BPIFB2: variants seen among roughly 807,000 people sequenced by gnomAD.
BPIFB2 encodes the protein BPI fold containing family B member 2.
Under a neutral mutation model 50.1 loss-of-function variants are expected in BPIFB2, and 39 were observed. The observed-to-expected ratio is 0.78, with a 90% CI of 0.60 to 1.02. BPIFB2 has a LOEUF of 1.02. Ranked by LOEUF, BPIFB2 falls within the 50% of genes least tolerant of loss-of-function variation. BPIFB2 has a pLI of 0.00. For missense variants in BPIFB2, 574 were observed against 585.8 expected, an observed-to-expected ratio of 0.98 and a Z score of 0.21; for synonymous variants, 280 against 256.3, an observed-to-expected ratio of 1.09 and a Z score of -0.88.
rs369008956 is a variant in BPIFB2, at chr20:33,018,279, G to A, written c.598G>A (p.Glu200Lys). 3 of 1,613,812 alleles carry A rather than the reference G, an allele frequency of 1.9e-6. No homozygotes were observed. In the African/African-American group the frequency reaches 4.0e-5, roughly 22 times the overall value. Residue 200 changes from glutamate to lysine, a missense_variant, in exon 8 of 16, where the codon GAG becomes AAG. By Grantham distance (56) the Glu-to-Lys change is moderately conservative (BLOSUM62 1). Transcript: ENST00000170150. ...TLIGLNPVGP[E>K]SQIRYSMVSV... The stretch of plus-strand genomic sequence containing the variant: ...TGAAGGCCTCAACCCCGTGGGTCCT[G>A]AGTCCCAGATCCGCTATTCCATGGT...
At chr20:33,018,481 G>A (rs1003024067) in intron 8 of BPIFB2, 131 bp downstream of exon 8, 2 of 1,280,790 alleles carry the variant, frequency 1.6e-6, no homozygotes, top group Non-Finnish European at 2.2e-6. Context: ...CCAGCCGGGA[G>A]CATGCCACAC....
chr20:33,015,580 G>C (rs1244607076), intron 6 of BPIFB2, 84 bp downstream of exon 6: 3 of 1,256,252 alleles, frequency 2.4e-6, no homozygotes, highest in Non-Finnish European at 3.3e-6. Context: ...TTTCAGGCAG[G>C]GGGTACTTTG....
chr20:33,011,037 G>A lies in BPIFB2; in HGVS notation c.123G>A (p.Gly41=), dbSNP rs758557975. The A allele has an allele frequency of 6.2e-7, 1 of 1,614,020 alleles. No individual in the cohort carries two copies. Among genetic ancestry groups the A allele is most frequent in the Non-Finnish European group, 8.5e-7 (1 of 1,179,972 alleles). The change falls in exon 3 of 16, where the codon GGG becomes GGA. Residue 41 remains glycine (G), a synonymous_variant. Coordinates refer to ENST00000170150, the MANE Select transcript of BPIFB2 (RefSeq NM_025227.3). The part of the protein sequence containing the change: ...KAALSYVSEI[G]KAPLQRALQV... ...CTGGCCCCACAGTGTCTGAAATTGG[G>A]AAAGCCCCTCTCCAGCGGGCCCTGC...
In BPIFB2 at chr20:33,012,976, C is replaced by CG. The variant is rs1021901606; in HGVS notation, c.308+75dup. ...TGCTCCGAGGGATACAGTGAGGGGACGGGGGGTAGCAACTCCTCCAGGGCC... is the reference window on the plus strand; with the variant it reads ...TGCTCCGAGGGATACAGTGAGGGGACGGGGGGGTAGCAACTCCTCCAGGGCC... On this transcript the variant is annotated intron_variant, in intron 4 of 15. Transcript: ENST00000170150. The CG allele has an allele frequency of 7.4e-6, 10 of 1,342,440 alleles. No homozygotes were observed. In the South Asian group the frequency reaches 1.1e-4, roughly 15 times the overall value. The allele number at this position is 1,342,440 out of a possible 1,614,324, so 83.2% of individuals were successfully genotyped here.
intron 5 of BPIFB2, 112 bp downstream of exon 5, chr20:33,014,068 G>GC (rs1401060225): frequency 3.6e-6 from 5 of 1,378,102 alleles, no homozygotes; most frequent in Non-Finnish European, 4.9e-6. Context: ...GGCCTCAGGG[G>GC]CCCCCATTAT....
chr20:33,018,991 G>A, intron 9 of BPIFB2, 71 bp from the exon 10 acceptor site: 1 of 1,604,808 alleles, frequency 6.2e-7, no homozygotes, highest in African/African-American at 1.3e-5. Context: ...GATTGCTCAG[G>A]GGGAAAGTGG....
chr20:33,012,766 TGGGGGC>T, intron 3 of BPIFB2, 31 bp from the exon 4 acceptor site: 2 of 1,529,390 alleles, frequency 1.3e-6, no homozygotes, highest in Non-Finnish European at 1.8e-6. Flanking sequence ...CATGGTTTAA[TGGGGGC>T]CACTCTGTCA....
At position 33,023,514 on chromosome 20, in the gene BPIFB2, C is replaced by CATAA; in HGVS notation, c.*131_*132insATAA. 1 of 1,066,380 alleles carries CATAA rather than the reference C, an allele frequency of 9.4e-7. No individual in the cohort carries two copies. 66.1% of individuals were successfully genotyped at this position (1,066,380 alleles called of 1,614,324 possible). A position where few individuals can be genotyped will look rare whatever the true frequency, so the allele number is the denominator to read the frequency against. ...CAACAAGCTGGACTGCTTAGCTGGG[C>CATAA]TGTTTTATCTTCCCTGAGTGCCTGG... On this transcript the variant is annotated 3_prime_UTR_variant, in exon 16 of 16. Transcript: ENST00000170150.
In BPIFB2 at chr20:33,019,654, C is replaced by A; in HGVS notation, c.984C>A (p.Leu328=). ...VRLGATPVAM[L]HTNNATLRLQ... Reference sequence around the variant, plus strand: ...TGGGTGCCACACCTGTGGCCATGCTCCACACAAACAACGCCACCCTGCGGC... The same window carrying A: ...TGGGTGCCACACCTGTGGCCATGCTACACACAAACAACGCCACCCTGCGGC... Residue 328 remains leucine (L), a synonymous_variant, in exon 11 of 16, where the codon CTC becomes CTA. Coordinates refer to ENST00000170150, the MANE Select transcript of BPIFB2 (RefSeq NM_025227.3). 6.2e-7 allele frequency: 1 copy of A among 1,612,848 alleles called. No individual in the cohort carries two copies. Among genetic ancestry groups the A allele is most frequent in the African/African-American group, 1.3e-5 (1 of 75,052 alleles).
At chr20:33,012,250 C>G (rs1990298768) in intron 3 of BPIFB2, among the ~76,000 whole-genome samples, 1 of 152,196 alleles carries the variant, frequency 6.6e-6, no homozygotes, top group Non-Finnish European at 1.5e-5. Context: ...GTGCCCGGGG[C>G]TCTTGTTTGT....
At chr20:33,012,930 G>A (rs764829953) in intron 4 of BPIFB2, 23 bp downstream of exon 4, 2 of 1,578,966 alleles carry the variant, frequency 1.3e-6, no homozygotes, top group Non-Finnish European at 1.7e-6. Flanking sequence ...CCTTGTTAGG[G>A]GGTGAGAAGG....
chr20:33,009,352 G>C lies in BPIFB2; in HGVS notation c.109+669G>C, dbSNP rs1421436046. Among the ~76,000 whole-genome samples, 1 of 152,158 alleles carries C rather than the reference G, an allele frequency of 6.6e-6. No homozygotes were observed. The highest frequency in any genetic ancestry group is 2.4e-5 in the African/African-American group (1 of 41,436). Reference sequence around the variant, plus strand: ...AGAAACTTAGCCCCAGGGAGGGACAGACATTGCCAAGGTCCAGGACGCCAG... The same window carrying C: ...AGAAACTTAGCCCCAGGGAGGGACACACATTGCCAAGGTCCAGGACGCCAG... On this transcript the variant is annotated intron_variant, in intron 2 of 15. Coordinates refer to ENST00000170150, the MANE Select transcript of BPIFB2 (RefSeq NM_025227.3). The surrounding 1 kb of genome is among the most constrained non-coding windows in gnomAD (Gnocchi z 4.2).
At chr20:33,012,932 G>A (rs758117205) in intron 4 of BPIFB2, 25 bp downstream of exon 4, 1 of 1,578,400 alleles carries the variant, frequency 6.3e-7, no homozygotes, top group African/African-American at 1.3e-5. Flanking sequence ...TTGTTAGGGG[G>A]TGAGAAGGGT....
At chr20:33,021,872 C>A in intron 15 of BPIFB2, 73 bp downstream of exon 15, 12 of 1,403,212 alleles carry the variant, frequency 8.6e-6, no homozygotes, top group Middle Eastern at 1.8e-4. Flanking sequence ...GGTCACCTCT[C>A]TCCCTCCCCC....
rs1978758295 is a variant in BPIFB2 at position 33,023,483 on chromosome 20, C to T, written c.*100C>T. Reference sequence around the variant, plus strand: ...AAACTGAGGCAAAACCATACTTAGTCATCACCAACAAGCTGGACTGCTTAG... The same window carrying T: ...AAACTGAGGCAAAACCATACTTAGTTATCACCAACAAGCTGGACTGCTTAG... On this transcript the variant is annotated 3_prime_UTR_variant, in exon 16 of 16. Transcript: ENST00000170150. The T allele has an allele frequency of 7.2e-7, 1 of 1,385,880 alleles. No homozygotes were observed. Among genetic ancestry groups the T allele is most frequent in the Non-Finnish European group, 1.0e-6 (1 of 980,318 alleles). 85.8% of individuals were successfully genotyped at this position (1,385,880 alleles called of 1,614,324 possible).
intron 15 of BPIFB2, 35 bp downstream of exon 15, chr20:33,021,834 T>C (rs1379736719): frequency 6.3e-7 from 1 of 1,590,134 alleles, no homozygotes; most frequent in African/African-American, 1.3e-5. Context: ...AGGGGCCTCC[T>C]TCACTCAGAG....
intron 6 of BPIFB2, among the ~76,000 whole-genome samples, chr20:33,016,053 G>C (rs4342010): frequency 1.3e-5 from 2 of 151,906 alleles, no homozygotes; most frequent in Non-Finnish European, 1.5e-5. Flanking sequence ...CATTGTCTGC[G>C]TGGAGCTGAC....
intron 2 of BPIFB2, 54 bp from the exon 3 acceptor site, chr20:33,010,970 G>A: frequency 6.8e-7 from 1 of 1,470,410 alleles, no homozygotes; most frequent in African/African-American, 1.4e-5. Context: ...GTGTGTTCTT[G>A]CTACTTGGTG....
At chr20:33,021,919 T>A in intron 15 of BPIFB2, 120 bp downstream of exon 15, 1 of 974,012 alleles carries the variant, frequency 1.0e-6, no homozygotes, top group South Asian at 1.4e-5. Flanking sequence ...AATCCTTAAC[T>A]GCAATGAAAT....
Sources: gnomAD v4.1 joint callset for allele counts (sites outside exome capture counted in the v4.1 genomes callset) on GRCh38, gnomAD v4.1.1 for gene constraint, Gnocchi (gnomAD v3.1) non-coding constraint, MANE v1.5 for transcripts, NCBI Gene and HGNC (gene_info 2026-07-23, HGNC 2026-07-21) for gene names.